The following ADAM20 variants were observed in gnomAD, a reference collection of about 807,000 sequenced individuals.
ADAM20 encodes disintegrin and metalloproteinase domain-containing protein 20.
For synonymous variants in ADAM20, 305 were observed against 310.2 expected, an observed-to-expected ratio of 0.98 and a Z score of 0.18; for missense variants, 871 against 883.2, an observed-to-expected ratio of 0.99 and a Z score of 0.18.
the ADAM20 span, among the ~76,000 whole-genome samples, chr14:70,540,061 A>T: frequency 1.3e-5 from 2 of 152,138 alleles, no homozygotes; most frequent in Admixed American, 6.5e-5. Context: ...TTGTATTTTT[A>T]GTAGAGATGG....
At chr14:70,554,604 C>A in the ADAM20 span, among the ~76,000 whole-genome samples, 1 of 152,118 alleles carries the variant, frequency 6.6e-6, no homozygotes, top group African/African-American at 2.4e-5. Context: ...CCATTTACAA[C>A]AACACAGATA....
the ADAM20 span, among the ~76,000 whole-genome samples, chr14:70,555,192 A>C: frequency 2.6e-5 from 4 of 152,228 alleles, no homozygotes; most frequent in Non-Finnish European, 5.9e-5. Context: ...TGTACAACAA[A>C]CAATATGACT....
At chr14:70,527,921 T>C (rs1883625109) in intron 1 of ADAM20, among the ~76,000 whole-genome samples, 1 of 152,184 alleles carries the variant, frequency 6.6e-6, no homozygotes, top group African/African-American at 2.4e-5. Flanking sequence ...CATCTAAACC[T>C]TTCCTCATTC....
chr14:70,558,985 T>A, the ADAM20 span, among the ~76,000 whole-genome samples: 1 of 152,286 alleles, frequency 6.6e-6, no homozygotes, highest in Non-Finnish European at 1.5e-5. Context: ...TCTGTACTCA[T>A]TCTATTGTAC....
chr14:70,537,419 G>A (rs184177734), upstream of ADAM20, among the ~76,000 whole-genome samples: 108 of 152,162 alleles, frequency 7.1e-4, no homozygotes, highest in Middle Eastern at 3.4e-3. Flanking sequence ...GATTCCAACC[G>A]CAACATCCAA....
Position 70,523,428 on chromosome 14 carries a change from C to G in ADAM20, c.1330G>C (p.Gly444Arg). 3 of 1,614,032 alleles carry G rather than the reference C, an allele frequency of 1.9e-6. No individual in the cohort carries two copies. In the South Asian group the frequency reaches 3.3e-5, roughly 18 times the overall value. The change falls in exon 2 of 2, where the codon GGG becomes CGG. Residue 444 changes from glycine to arginine, a missense_variant. Physicochemically the swap from Gly to Arg is moderately radical, Grantham distance 125. Transcript: ENST00000256389. ...CATATTCCAAAAGCACAAGCAGCCC[C>G]AGGATGTAGAGTACAGTTTAACAGA... ...CCLLNCTLHPGAACAFGICCK... is the reference protein window; with the variant it reads ...CCLLNCTLHPRAACAFGICCK...
intron 1 of ADAM20, among the ~76,000 whole-genome samples, chr14:70,530,876 TAAAAA>T (rs554347882): frequency 7.1e-6 from 1 of 141,060 alleles, no homozygotes; most frequent in East Asian, 2.0e-4. Context: ...TACTGACATT[TAAAAA>T]AAAAAAAGAG....
chr14:70,554,505 T>C, the ADAM20 span, among the ~76,000 whole-genome samples: 5,235 of 152,070 alleles, frequency 0.034, 298 homozygotes, highest in African/African-American at 0.12. Flanking sequence ...GACAGATGAA[T>C]GGATAAAGAA....
chr14:70,532,160 G>A (rs1466589874), intron 1 of ADAM20, among the ~76,000 whole-genome samples: 1 of 151,802 alleles, frequency 6.6e-6, no homozygotes, highest in Non-Finnish European at 1.5e-5. Flanking sequence ...AGAATACAGA[G>A]CCCAGAAGTA....
chr14:70,539,448 C>T (rs142763507), upstream of ADAM20, among the ~76,000 whole-genome samples: 68 of 152,292 alleles, frequency 4.5e-4, 1 homozygote, highest in East Asian at 0.013. Context: ...GCATGAGGGG[C>T]GCCTGTCCAT....
chr14:70,561,625 C>A, the ADAM20 span, among the ~76,000 whole-genome samples: 109 of 152,362 alleles, frequency 7.2e-4, no homozygotes, highest in South Asian at 2.1e-3. Context: ...GTTTTCTGGG[C>A]AAGGCCCAGG....
intron 1 of ADAM20, among the ~76,000 whole-genome samples, chr14:70,529,660 A>C (rs1272666095): frequency 1.3e-5 from 2 of 152,212 alleles, no homozygotes; most frequent in Non-Finnish European, 2.9e-5. Context: ...AACAGTAAAC[A>C]TATGGCATAA....
chr14:70,524,081 T>A lies in ADAM20; in HGVS notation c.677A>T (p.Asn226Ile). 2.5e-6 allele frequency: 4 copies of A among 1,613,988 alleles called. No homozygotes were observed. Among genetic ancestry groups the A allele is most frequent in the Non-Finnish European group, 2.5e-6 (3 of 1,179,968 alleles). The change falls in exon 2 of 2, where the codon AAT becomes ATT. Residue 226 changes from asparagine to isoleucine, a missense_variant. Physicochemically the swap from Asn to Ile is moderately radical, Grantham distance 149. Coordinates refer to ENST00000256389, the MANE Select transcript of ADAM20 (RefSeq NM_003814.5). The stretch of plus-strand genomic sequence containing the variant: ...TACTTCATGCTGCACTGTTGTTGCA[T>A]TACTTTGAGAGAAAAGATATCTAAT... ...DNIRYLFSQSNATTVQHEVFN... is the reference protein window; with the variant it reads ...DNIRYLFSQSIATTVQHEVFN...
intron 1 of ADAM20, among the ~76,000 whole-genome samples, chr14:70,532,796 A>G (rs964492875): frequency 2.6e-5 from 4 of 152,238 alleles, no homozygotes; most frequent in African/African-American, 9.6e-5. Flanking sequence ...TCCAAAATAT[A>G]TAAGAAACCC....
chr14:70,544,752 G>A, the ADAM20 span, among the ~76,000 whole-genome samples: 102,877 of 152,000 alleles, frequency 0.68, 37,083 homozygotes, highest in African/African-American at 0.92. Context: ...AATTACACCA[G>A]TTTCATTATT....
chr14:70,545,437 C>G, the ADAM20 span, among the ~76,000 whole-genome samples: 1 of 152,046 alleles, frequency 6.6e-6, no homozygotes, highest in Non-Finnish European at 1.5e-5. Context: ...GACACCTGCC[C>G]AAAGAGGGAG....
At chr14:70,536,557 C>A (rs1331587422), upstream of ADAM20, among the ~76,000 whole-genome samples, 2 of 143,618 alleles carry the variant, frequency 1.4e-5, no homozygotes, top group African/African-American at 5.1e-5. Context: ...TATATAACTA[C>A]AAAGAGCTAT....
intron 1 of ADAM20, among the ~76,000 whole-genome samples, 170 bp downstream of exon 1, chr14:70,534,627 G>GA (rs922638093): frequency 6.6e-6 from 1 of 151,718 alleles, no homozygotes; most frequent in Non-Finnish European, 1.5e-5. Flanking sequence ...ATTCTTAGAA[G>GA]AAAAAAAATA....
At chr14:70,578,527 A>T in the ADAM20 span, among the ~76,000 whole-genome samples, 37 of 152,226 alleles carry the variant, frequency 2.4e-4, no homozygotes, top group Middle Eastern at 3.2e-3. Context: ...CTGCACAGCG[A>T]AAGAAACAAT....
Sources: gnomAD v4.1 joint callset for allele counts (sites outside exome capture counted in the v4.1 genomes callset) on GRCh38, gnomAD v4.1.1 for gene constraint, MANE v1.5 for transcripts, NCBI Gene and HGNC (gene_info 2026-07-23, HGNC 2026-07-21) for gene names.